CDH12: variants seen among roughly 807,000 people sequenced by gnomAD.
CDH12 encodes the protein cadherin-12.
A neutral mutation model predicts 74.1 loss-of-function variants in CDH12; 41 were observed. That is an observed-to-expected ratio of 0.55 (90% CI 0.43 to 0.72). The LOEUF (loss-of-function observed/expected upper bound fraction) is 0.72. CDH12 is among the 30% of genes least tolerant of loss of function. The pLI, the probability that CDH12 is intolerant of heterozygous loss-of-function variation, is 0.00. For synonymous variants in CDH12, 399 were observed against 355.0 expected (o/e 1.12, Z -1.39); for missense variants, 945 against 977.2 (o/e 0.97, Z 0.44).
intron 3 of CDH12, among the ~76,000 whole-genome samples, chr5:22,278,805 GAGGGGA>G (rs1445936642): frequency 2.0e-5 from 3 of 152,096 alleles, no homozygotes; most frequent in Admixed American, 2.0e-4. Flanking sequence ...CCACAGAGCA[GAGGGGA>G]AGGTAGCTAT....
At chr5:21,991,887 T>C (rs1319052998) in intron 5 of CDH12, among the ~76,000 whole-genome samples, 1 of 152,032 alleles carries the variant, frequency 6.6e-6, no homozygotes, top group African/African-American at 2.4e-5. Flanking sequence ...AGAATTAATA[T>C]CTCATGGTCT....
intron 4 of CDH12, among the ~76,000 whole-genome samples, chr5:22,113,684 G>A (rs1744938610): frequency 1.3e-5 from 2 of 152,080 alleles, no homozygotes; most frequent in African/African-American, 4.8e-5. Context: ...ACAGGCCATG[G>A]TTACTCATAT....
At chr5:22,324,193 A>AT (rs1037452839) in intron 3 of CDH12, among the ~76,000 whole-genome samples, 2 of 152,136 alleles carry the variant, frequency 1.3e-5, no homozygotes, top group African/African-American at 4.8e-5. Flanking sequence ...GGTCATAAAG[A>AT]TTCAATGGGG....
chr5:22,164,274 C>G (rs909498765), intron 4 of CDH12, among the ~76,000 whole-genome samples: 1 of 152,110 alleles, frequency 6.6e-6, no homozygotes, highest in Non-Finnish European at 1.5e-5. Context: ...TGTTATAGCT[C>G]TATTAGAAGT....
In CDH12 at chr5:21,831,478, T is replaced by C. The variant is rs143559847; in HGVS notation, c.814+10683A>G. On this transcript the variant is annotated intron_variant, in intron 8 of 14. Coordinates refer to ENST00000382254, the MANE Select transcript of CDH12 (RefSeq NM_004061.5). ...ATGTGAGCTGCTTTTCTCTCTATAA[T>C]GATCGCCCTATTCTCTAAAGAGAAG... is the stretch of plus-strand genomic sequence containing the variant. Among the ~76,000 whole-genome samples the C allele has an allele frequency of 3.0e-3, 463 of 152,320 alleles. 2 individuals carry two copies. Among genetic ancestry groups the C allele is most frequent in the African/African-American group, 0.01 (436 of 41,580 alleles).
chr5:22,204,018 C>G (rs10473581), intron 4 of CDH12, among the ~76,000 whole-genome samples: 1 of 152,096 alleles, frequency 6.6e-6, no homozygotes, highest in Non-Finnish European at 1.5e-5. Context: ...CAATCCACAG[C>G]GCAAAGAGAC....
chr5:22,154,622 A>C (rs1747905516), intron 4 of CDH12, among the ~76,000 whole-genome samples: 1 of 149,986 alleles, frequency 6.7e-6, no homozygotes. Flanking sequence ...ATGTACACAT[A>C]TATATACACA....
At chr5:22,544,371 G>C (rs977898988) in intron 1 of CDH12, among the ~76,000 whole-genome samples, 4 of 152,106 alleles carry the variant, frequency 2.6e-5, no homozygotes, top group African/African-American at 9.7e-5. Context: ...CATAGAGTTA[G>C]CAATTAGTTT....
At chr5:22,154,760 T>C (rs1326103840) in intron 4 of CDH12, among the ~76,000 whole-genome samples, 1 of 152,104 alleles carries the variant, frequency 6.6e-6, no homozygotes, top group African/African-American at 2.4e-5. Flanking sequence ...TGTATTTTTC[T>C]GTCTATTGCA....
intron 6 of CDH12, among the ~76,000 whole-genome samples, chr5:21,916,207 T>A (rs549014032): frequency 6.6e-6 from 1 of 152,238 alleles, no homozygotes; most frequent in South Asian, 2.1e-4. Flanking sequence ...CTTCAAGGAA[T>A]TTAGATAGAC....
rs186845848 is a variant in CDH12, at chr5:22,403,424, T to C, written c.-333+1833A>G. The stretch of plus-strand genomic sequence containing the variant: ...CAATATCTCATGGGACATTTTACTT[T>C]TTTAGAAAGTTCAAAATGTAATTAT... On this transcript the variant is annotated intron_variant, in intron 3 of 14. Coordinates refer to ENST00000382254, the MANE Select transcript of CDH12 (RefSeq NM_004061.5). 7.0e-3 allele frequency among the ~76,000 whole-genome samples: 1,073 copies of C among 152,290 alleles called. 8 individuals carry two copies. The highest frequency in any genetic ancestry group is 9.1e-3 in the Non-Finnish European group (618 of 68,022).
intron 5 of CDH12, among the ~76,000 whole-genome samples, chr5:22,066,340 G>A (rs1291518061): frequency 6.6e-6 from 1 of 151,948 alleles, no homozygotes; most frequent in Non-Finnish European, 1.5e-5. Context: ...ATCCCCAAAG[G>A]GACCTATCAC....
rs535732106 is a variant in CDH12, at chr5:22,663,932, G to A, written c.-522-158568C>T. On this transcript the variant is annotated intron_variant, in intron 1 of 14. Transcript: ENST00000382254. ...TAACTAAGGGAATTTCTTTCACATGGCTTTATGAACTTGTATAAGTCACAC... is the reference window on the plus strand; with the variant it reads ...TAACTAAGGGAATTTCTTTCACATGACTTTATGAACTTGTATAAGTCACAC... Among the ~76,000 whole-genome samples, 123 of 151,538 alleles carry A rather than the reference G, an allele frequency of 8.1e-4. No individual in the cohort carries two copies. In the South Asian group the frequency reaches 0.021, roughly 26 times the overall value.
chr5:22,137,190 A>C (rs1580306867), intron 4 of CDH12, among the ~76,000 whole-genome samples: 1 of 151,980 alleles, frequency 6.6e-6, no homozygotes, highest in East Asian at 1.9e-4. Context: ...CATCAAACAC[A>C]TATTGTTTGA....
At chr5:21,975,454 A>T in intron 5 of CDH12, 69 bp from the exon 6 acceptor site, 1 of 1,085,844 alleles carries the variant, frequency 9.2e-7, no homozygotes, top group Non-Finnish European at 1.3e-6. Context: ...CATTAAAAGG[A>T]TGTGCCAAAT....
rs527836412 is a variant in CDH12, at chr5:22,788,143, T to C, written c.-523+64915A>G. 1.8e-4 allele frequency among the ~76,000 whole-genome samples: 28 copies of C among 152,308 alleles called. 1 individual carries two copies. The highest frequency in any genetic ancestry group is 1.4e-3 in the Admixed American group (21 of 15,292). ...TGTTGACAGGACATGGTCATTTCTC[T>C]CCTGTATTTTATTTTCTTTTCATAA... On this transcript the variant is annotated intron_variant, in intron 1 of 14. Transcript: ENST00000382254.
At chr5:22,775,229 T>C (rs1003304109) in intron 1 of CDH12, among the ~76,000 whole-genome samples, 3 of 152,052 alleles carry the variant, frequency 2.0e-5, no homozygotes, top group Non-Finnish European at 4.4e-5. Context: ...GCAGGAGGTA[T>C]GTTATAACCT....
intron 4 of CDH12, among the ~76,000 whole-genome samples, chr5:22,094,617 A>G (rs768582379): frequency 1.1e-4 from 17 of 152,136 alleles, no homozygotes; most frequent in South Asian, 6.2e-4. Flanking sequence ...TTTGAACTTA[A>G]GAGTGTATTA....
chr5:21,824,695 C>T (rs1748562162), intron 8 of CDH12, among the ~76,000 whole-genome samples: 1 of 152,024 alleles, frequency 6.6e-6, no homozygotes, highest in Admixed American at 6.6e-5. Context: ...TATTGTTTGT[C>T]TTAGCTAAAT....
Sources: allele counts gnomAD v4.1 joint callset (sites outside exome capture counted in the v4.1 genomes callset), GRCh38; gene constraint gnomAD v4.1.1; transcripts MANE v1.5; gene names NCBI Gene and HGNC (gene_info 2026-07-23, HGNC 2026-07-21).